Variants in C4orf36 observed in about 807,000 individuals in gnomAD.
C4orf36 encodes the protein chromosome 4 open reading frame 36.
Under a neutral mutation model 12.2 loss-of-function variants are expected in C4orf36, and 11 were observed. The ratio of observed to expected loss-of-function variants is 0.90; its 90% confidence interval spans 0.57 to 1.49. The LOEUF is 1.49. Ranked by LOEUF, C4orf36 falls within the 40% of genes most tolerant of loss-of-function variation. The pLI is 0.00. For synonymous variants in C4orf36, 54 were observed against 51.3 expected (o/e 1.05, Z -0.22); for missense variants, 137 against 133.9 (o/e 1.02, Z -0.11).
At chr4:86,901,736 C>G in the C4orf36 span, among the ~76,000 whole-genome samples, 1 of 152,092 alleles carries the variant, frequency 6.6e-6, no homozygotes, top group East Asian at 1.9e-4. Context: ...AACCTCCACT[C>G]ATACCAATCT....
chr4:86,932,734 C>T, the C4orf36 span, among the ~76,000 whole-genome samples: 1 of 121,096 alleles, frequency 8.3e-6, no homozygotes, highest in Non-Finnish European at 1.6e-5. Context: ...CCTAAAAAGT[C>T]CCATCATCAT....
chr4:86,913,521 G>T, the C4orf36 span: 1 of 852,988 alleles, frequency 1.2e-6, no homozygotes, highest in Non-Finnish European at 2.0e-6. Context: ...GGAGATGAAG[G>T]TCAGGCAGCC....
the C4orf36 span, chr4:86,913,531 C>A: frequency 8.8e-4 from 789 of 898,950 alleles, 3 homozygotes; most frequent in Non-Finnish European, 1.2e-3. Context: ...GTCAGGCAGC[C>A]TCGGTCATCG....
chr4:86,917,491 G>A, the C4orf36 span, among the ~76,000 whole-genome samples: 1 of 133,834 alleles, frequency 7.5e-6, no homozygotes, highest in Non-Finnish European at 1.7e-5. Context: ...AAAAAGAAAG[G>A]GAGAGAAAGA....
the C4orf36 span, among the ~76,000 whole-genome samples, chr4:86,907,959 GAAA>G: frequency 1.8e-5 from 2 of 108,702 alleles, no homozygotes; most frequent in African/African-American, 3.4e-5. Context: ...CTGTGCCTCA[GAAA>G]AAAAAAAAAA....
the C4orf36 span, chr4:86,913,758 A>G: frequency 6.8e-7 from 1 of 1,472,008 alleles, no homozygotes. Flanking sequence ...ACTGCCACCT[A>G]ACTCTGACAT....
the C4orf36 span, among the ~76,000 whole-genome samples, chr4:86,912,775 G>A: frequency 0.16 from 24,853 of 152,046 alleles, 2,245 homozygotes; most frequent in East Asian, 0.29. Context: ...TATGAATATG[G>A]ACATGAAAAC....
chr4:86,904,362 G>A, the C4orf36 span, among the ~76,000 whole-genome samples: 2 of 152,216 alleles, frequency 1.3e-5, no homozygotes, highest in African/African-American at 4.8e-5. Context: ...CCCTCATAGC[G>A]CAGCGGCGGG....
At chr4:86,901,866 A>C in the C4orf36 span, among the ~76,000 whole-genome samples, 4 of 152,044 alleles carry the variant, frequency 2.6e-5, no homozygotes, top group African/African-American at 9.7e-5. Flanking sequence ...TGAAGTCCTA[A>C]CTCCCTATAC....
upstream of C4orf36, among the ~76,000 whole-genome samples, chr4:86,895,305 C>T (rs990156022): frequency 2.0e-5 from 3 of 151,940 alleles, no homozygotes; most frequent in South Asian, 6.2e-4. Context: ...CAGAATGAGA[C>T]CCTGTCTCAA....
At chr4:86,903,499 T>C in the C4orf36 span, among the ~76,000 whole-genome samples, 1 of 152,200 alleles carries the variant, frequency 6.6e-6, no homozygotes, top group African/African-American at 2.4e-5. Flanking sequence ...AATTGTTCAT[T>C]CCTTCCAGTA....
At chr4:86,902,296 C>T in the C4orf36 span, among the ~76,000 whole-genome samples, 2 of 151,746 alleles carry the variant, frequency 1.3e-5, no homozygotes, top group Admixed American at 6.6e-5. Context: ...TGGTGGTATG[C>T]ACCTGTTCCC....
At chr4:86,895,317 TA>T (rs1052290963), upstream of C4orf36, among the ~76,000 whole-genome samples, 47 of 148,136 alleles carry the variant, frequency 3.2e-4, no homozygotes, top group Admixed American at 5.4e-4. Flanking sequence ...CTGTCTCAAT[TA>T]AAAAAAAAAA....
At chr4:86,910,024 G>A in the C4orf36 span, among the ~76,000 whole-genome samples, 1 of 151,926 alleles carries the variant, frequency 6.6e-6, no homozygotes, top group Non-Finnish European at 1.5e-5. Context: ...GCACAGGAAT[G>A]CAGCCAGCCC....
At chr4:86,924,345 G>A in the C4orf36 span, among the ~76,000 whole-genome samples, 3 of 152,124 alleles carry the variant, frequency 2.0e-5, no homozygotes, top group Non-Finnish European at 4.4e-5. Flanking sequence ...GATTACAGAC[G>A]TGCATCGGCA....
the C4orf36 span, among the ~76,000 whole-genome samples, chr4:86,926,903 C>G: frequency 6.6e-6 from 1 of 152,168 alleles, no homozygotes; most frequent in Non-Finnish European, 1.5e-5. Context: ...AGGGCCTCAA[C>G]AAACCATGGG....
chr4:86,894,384 T>A (rs1560475772), upstream of C4orf36, among the ~76,000 whole-genome samples: 2 of 152,146 alleles, frequency 1.3e-5, no homozygotes, highest in Non-Finnish European at 2.9e-5. Flanking sequence ...ACAATGGGTC[T>A]AAAAAATTTG....
At chr4:86,898,216 A>G in the C4orf36 span, among the ~76,000 whole-genome samples, 24,061 of 152,132 alleles carry the variant, frequency 0.16, 2,233 homozygotes, top group Middle Eastern at 0.21. Context: ...ACATGGTGAA[A>G]CCCCGTCTCT....
At chr4:86,913,453 C>A in the C4orf36 span, 3 of 759,864 alleles carry the variant, frequency 3.9e-6, no homozygotes, top group East Asian at 7.7e-5. Flanking sequence ...GTCCATGTTG[C>A]AAAAGCATTC....
Sources: gnomAD v4.1 joint callset for allele counts (sites outside exome capture counted in the v4.1 genomes callset) on GRCh38, gnomAD v4.1.1 for gene constraint, MANE v1.5 for transcripts, NCBI Gene and HGNC (gene_info 2026-07-23, HGNC 2026-07-21) for gene names.